Variants in ACSL1 observed in about 807,000 individuals in gnomAD.
ACSL1 encodes acyl-CoA synthetase long chain family member 1.
A neutral mutation model predicts 98.4 loss-of-function variants in ACSL1; 41 were observed. That is an observed-to-expected ratio of 0.42 (90% CI 0.32 to 0.54). The LOEUF (loss-of-function observed/expected upper bound fraction) is 0.54, where lower values mean the gene tolerates loss of function less well. Among genes scored for constraint, ACSL1 ranks in the 20% least tolerant of loss-of-function variants. ACSL1 has a pLI of 0.13. For missense variants in ACSL1, 734 were observed against 883.1 expected (o/e 0.83, Z 2.14); for synonymous variants, 316 against 322.7 (o/e 0.98, Z 0.22).
intron 1 of ACSL1, among the ~76,000 whole-genome samples, chr4:184,821,724 T>C (rs527588787): frequency 6.6e-6 from 1 of 152,232 alleles, no homozygotes; most frequent in Non-Finnish European, 1.5e-5. Flanking sequence ...AACTAAATTA[T>C]GGCCCATACA....
chr4:184,763,103 T>G, intron 16 of ACSL1, 64 bp downstream of exon 16: 1 of 1,549,488 alleles, frequency 6.5e-7, no homozygotes, highest in Non-Finnish European at 8.8e-7. Flanking sequence ...TACCACAGCA[T>G]TCGCAAAGGC....
In ACSL1 at chr4:184,825,220, C is replaced by T; in HGVS notation, c.-33+696G>A. ...GAATCCACGTGTCCATTCAAGTCAT[C>T]TACCGCCACTCTCCGTCTACGCTGC... On this transcript the variant is annotated intron_variant, in intron 1 of 20. Coordinates refer to ENST00000281455, the MANE Select transcript of ACSL1 (RefSeq NM_001995.5). This position sits in a 1 kb window ranked among gnomAD's most constrained non-coding sequence, Gnocchi z 4.7. The T allele has an allele frequency of 1.0e-6, 1 of 985,434 alleles. No individual in the cohort carries two copies. The highest frequency in any genetic ancestry group is 1.2e-6 in the Non-Finnish European group (1 of 829,930). 61.0% of individuals were successfully genotyped at this position (985,434 alleles called of 1,614,324 possible).
intron 1 of ACSL1, among the ~76,000 whole-genome samples, chr4:184,806,213 T>C (rs1240989327): frequency 6.6e-6 from 1 of 152,182 alleles, no homozygotes; most frequent in African/African-American, 2.4e-5. Context: ...AAGGCCTTTC[T>C]GAGGAAGGGA....
intron 14 of ACSL1, among the ~76,000 whole-genome samples, chr4:184,765,481 C>T (rs1282682697): frequency 6.6e-6 from 1 of 152,144 alleles, no homozygotes; most frequent in African/African-American, 2.4e-5. Flanking sequence ...ACATAACACA[C>T]ACACACAAAG....
chr4:184,789,676 A>G (rs888864502), intron 2 of ACSL1, among the ~76,000 whole-genome samples: 2 of 152,224 alleles, frequency 1.3e-5, no homozygotes, highest in Non-Finnish European at 2.9e-5. Context: ...GCTATGTGCA[A>G]GAACTCCTAA....
At position 184,788,732 on chromosome 4, in the gene ACSL1, C is replaced by G; in HGVS notation, c.196-1G>C. On this transcript the variant is annotated splice_acceptor_variant, in intron 2 of 20. Transcript: ENST00000281455. LOFTEE classifies it high-confidence loss of function. ...CGGATCTTCGTGCACCACCACTACC[C>G]TATCAAAAAAGAAAGGGGGGCAGGT... 6.2e-7 allele frequency: 1 copy of G among 1,613,650 alleles called. No individual in the cohort carries two copies.
intron 3 of ACSL1, among the ~76,000 whole-genome samples, chr4:184,786,529 T>C (rs1767375130): frequency 6.6e-6 from 1 of 151,976 alleles, no homozygotes; most frequent in South Asian, 2.1e-4. Context: ...ACCCTGACCT[T>C]GACACCAACT....
At chr4:184,811,837 TA>T (rs1001338493) in intron 1 of ACSL1, among the ~76,000 whole-genome samples, 1 of 152,140 alleles carries the variant, frequency 6.6e-6, no homozygotes, top group African/African-American at 2.4e-5. Flanking sequence ...TTTACCACAA[TA>T]AAAAAAGTTT....
intron 1 of ACSL1, among the ~76,000 whole-genome samples, chr4:184,805,289 T>G (rs549621123): frequency 6.6e-5 from 10 of 152,332 alleles, no homozygotes; most frequent in Non-Finnish European, 1.5e-4. Flanking sequence ...AATTTTAAAT[T>G]TAATGGTCTC....
intron 1 of ACSL1, among the ~76,000 whole-genome samples, chr4:184,824,519 G>T (rs1773311960): frequency 6.6e-6 from 1 of 152,152 alleles, no homozygotes; most frequent in African/African-American, 2.4e-5. Context: ...AAGGTGTGCG[G>T]CTAACAAGTT....
intron 3 of ACSL1, among the ~76,000 whole-genome samples, chr4:184,786,530 G>A (rs566549837): frequency 3.3e-5 from 5 of 151,648 alleles, no homozygotes; most frequent in Non-Finnish European, 5.9e-5. Flanking sequence ...CCCTGACCTT[G>A]ACACCAACTT....
chr4:184,775,125 C>T (rs1248781132), intron 7 of ACSL1, among the ~76,000 whole-genome samples: 1 of 152,184 alleles, frequency 6.6e-6, no homozygotes, highest in Admixed American at 6.5e-5. Flanking sequence ...ATCTCTCTTA[C>T]AGTATCACTT....
intron 5 of ACSL1, among the ~76,000 whole-genome samples, chr4:184,777,425 T>C (rs1765468723): frequency 6.7e-6 from 1 of 149,168 alleles, no homozygotes; most frequent in Non-Finnish European, 1.5e-5. Flanking sequence ...ACCAGTGCAC[T>C]CCAGCCTGGG....
At position 184,783,907 on chromosome 4, in the gene ACSL1, C is replaced by G; in HGVS notation, c.375+20G>C. On this transcript the variant is annotated intron_variant, in intron 4 of 20. Transcript: ENST00000281455. The stretch of plus-strand genomic sequence containing the variant: ...CTGCTTGCAAGAGGAGTCCACAGAG[C>G]CTGTCTCATACAAACTCACCTGTTT... 6.2e-7 allele frequency: 1 copy of G among 1,609,328 alleles called. No homozygotes were observed. The highest frequency in any genetic ancestry group is 1.3e-5 in the African/African-American group (1 of 74,906).
intron 16 of ACSL1, among the ~76,000 whole-genome samples, chr4:184,762,828 C>T (rs1763043587): frequency 6.6e-6 from 1 of 152,222 alleles, no homozygotes; most frequent in African/African-American, 2.4e-5. Context: ...TTAGGCTTCC[C>T]ATCCAGCAGC....
At chr4:184,791,929 A>C (rs571717113) in intron 2 of ACSL1, among the ~76,000 whole-genome samples, 4 of 152,228 alleles carry the variant, frequency 2.6e-5, no homozygotes, top group South Asian at 4.1e-4. Flanking sequence ...GGACATACAG[A>C]GACCATATCC....
intron 1 of ACSL1, chr4:184,812,022 G>T: frequency 3.7e-6 from 1 of 268,544 alleles, no homozygotes; most frequent in Non-Finnish European, 5.7e-6. Context: ...TCATGTGGGA[G>T]GAGGCGGCGG....
At chr4:184,812,236 G>A (rs1172997624) in intron 1 of ACSL1, 2 of 985,296 alleles carry the variant, frequency 2.0e-6, no homozygotes, top group East Asian at 1.1e-4. Flanking sequence ...GTCTTTATAT[G>A]CCCTTGGTTC....
At chr4:184,787,567 GA>G (rs1472775683) in intron 3 of ACSL1, among the ~76,000 whole-genome samples, 1 of 151,910 alleles carries the variant, frequency 6.6e-6, no homozygotes, top group South Asian at 2.1e-4. Flanking sequence ...TTATGATCAA[GA>G]AAAAAAAGTG....
Sources: gnomAD v4.1 joint callset for allele counts (sites outside exome capture counted in the v4.1 genomes callset) on GRCh38, gnomAD v4.1.1 for gene constraint, Gnocchi (gnomAD v3.1) non-coding constraint, MANE v1.5 for transcripts, NCBI Gene and HGNC (gene_info 2026-07-23, HGNC 2026-07-21) for gene names.